Variants in IARS2 observed in about 807,000 individuals in gnomAD.
IARS2 encodes isoleucine--tRNA ligase, mitochondrial.
IARS2 carries 56 observed loss-of-function variants against 126.3 expected under a neutral mutation model. The ratio of observed to expected loss-of-function variants is 0.44; its 90% CI spans 0.36 to 0.55. The LOEUF (loss-of-function observed/expected upper bound fraction) is 0.55, where lower values mean the gene tolerates loss of function less well. IARS2 is among the 20% of genes least tolerant of loss of function. IARS2 has a pLI of 0.00. For missense variants in IARS2, 1,127 were observed against 1,245.9 expected (o/e 0.90, Z 1.44); for synonymous variants, 407 against 441.1 (o/e 0.92, Z 0.97).
At chr1:220,120,769 T>A (rs577584142) in intron 12 of IARS2, among the ~76,000 whole-genome samples, 1 of 152,354 alleles carries the variant, frequency 6.6e-6, no homozygotes, top group Admixed American at 6.5e-5. Flanking sequence ...ATCTAGCTAA[T>A]TAACATGTAT....
rs780499987 is a variant in IARS2 at position 220,143,158 on chromosome 1, G to A, written c.2751+24G>A. ...AGGTATGCAGCAATATGTACCTTTT[G>A]AAATGGTGTTAGTATCATAGAGCTT... is the stretch of plus-strand genomic sequence containing the variant. On this transcript the variant is annotated intron_variant, in intron 21 of 22. Coordinates refer to ENST00000366922, the MANE Select transcript of IARS2 (RefSeq NM_018060.4). 1.1e-5 allele frequency: 17 copies of A among 1,575,392 alleles called. No homozygotes were observed. The East Asian group carries it at 3.8e-4, about 35-fold the overall frequency.
intron 12 of IARS2, among the ~76,000 whole-genome samples, chr1:220,119,460 G>C (rs1043248866): frequency 6.6e-6 from 1 of 151,880 alleles, no homozygotes; most frequent in Non-Finnish European, 1.5e-5. Flanking sequence ...AAGAAATGAA[G>C]GTAGAATTCT....
At chr1:220,103,044 CTT>C (rs1172177451) in intron 7 of IARS2, among the ~76,000 whole-genome samples, 3 of 144,524 alleles carry the variant, frequency 2.1e-5, no homozygotes, top group African/African-American at 5.0e-5. Flanking sequence ...TTTCTTTTTT[CTT>C]TTTTTTTTTG....
chr1:220,107,197 G>A, intron 10 of IARS2, 46 bp downstream of exon 10: 1 of 1,274,654 alleles, frequency 7.8e-7, no homozygotes, highest in Non-Finnish European at 1.1e-6. Flanking sequence ...CTGAAAAGTA[G>A]GTAGCAGTAA....
chr1:220,137,072 T>C (rs1657391698), intron 16 of IARS2, among the ~76,000 whole-genome samples, 161 bp downstream of exon 16: 1 of 152,218 alleles, frequency 6.6e-6, no homozygotes, highest in Admixed American at 6.5e-5. Flanking sequence ...GGGATTGTGG[T>C]CCTTTTAACT....
chr1:220,125,350 G>A lies in IARS2; in HGVS notation c.1743+11G>A. The A allele has an allele frequency of 1.9e-6, 3 of 1,556,768 alleles. No individual in the cohort carries two copies. Among genetic ancestry groups the A allele is most frequent in the Non-Finnish European group, 2.7e-6 (3 of 1,128,338 alleles). ...GAAGTCTTATCTGAGGTAAATTTCT[G>A]TTTGTATTTAACAGCCTTTGTATGT... On this transcript the variant is annotated intron_variant, in intron 13 of 22. Transcript: ENST00000366922.
intron 9 of IARS2, 40 bp downstream of exon 9, chr1:220,106,100 A>G: frequency 6.7e-7 from 1 of 1,486,114 alleles, no homozygotes; most frequent in Non-Finnish European, 9.2e-7. Context: ...ATTCATCTTA[A>G]TAAAAGGAAA....
At chr1:220,123,431 T>A (rs923156791) in intron 12 of IARS2, among the ~76,000 whole-genome samples, 2 of 152,310 alleles carry the variant, frequency 1.3e-5, no homozygotes, top group Non-Finnish European at 2.9e-5. Context: ...GATATCCAGC[T>A]TTTATAAGGT....
Position 220,096,108 on chromosome 1 carries a change from G to A in IARS2, c.272G>A (p.Cys91Tyr), listed in dbSNP as rs1461874342. The A allele has an allele frequency of 5.6e-6, 8 of 1,438,650 alleles. No individual in the cohort carries two copies. The South Asian group carries it at 8.6e-5, about 15-fold the overall frequency. The allele number at this position is 1,438,650 out of a possible 1,614,324, so 89.1% of individuals were successfully genotyped here. A position where few individuals can be genotyped will look rare whatever the true frequency, so the allele number is the denominator to read the frequency against. Reference sequence around the variant, plus strand: ...TCTTTTTTTTTTTTAAAACAGAAATGTGGATTTTCAGAACTTTATTCATGG... The same window carrying A: ...TCTTTTTTTTTTTTAAAACAGAAATATGGATTTTCAGAACTTTATTCATGG... ...PDTELEIQQK[C>Y]GFSELYSWQR... Residue 91 changes from cysteine (C) to tyrosine (Y), a missense_variant, in exon 2 of 23, where the codon TGT becomes TAT. By Grantham distance (194) the Cys-to-Tyr change is radical. Transcript: ENST00000366922.
intron 11 of IARS2, among the ~76,000 whole-genome samples, chr1:220,111,406 A>G (rs955244499): frequency 1.3e-5 from 2 of 152,202 alleles, no homozygotes; most frequent in Non-Finnish European, 2.9e-5. Flanking sequence ...ATTACAATCA[A>G]TTAAAAAAGT....
At chr1:220,099,700 CAA>C (rs1385850966) in intron 2 of IARS2, among the ~76,000 whole-genome samples, 1 of 151,956 alleles carries the variant, frequency 6.6e-6, no homozygotes, top group African/African-American at 2.4e-5. Context: ...AAACAATTTC[CAA>C]AGAGTTAAGT....
chr1:220,134,977 A>G (rs1030581371), intron 15 of IARS2: 1 of 152,476 alleles, frequency 6.6e-6, no homozygotes, highest in African/African-American at 2.4e-5. Flanking sequence ...CCCATTGCCC[A>G]TGCTGGTCCC....
At chr1:220,131,553 G>C (rs1010021039) in intron 14 of IARS2, among the ~76,000 whole-genome samples, 8 of 152,036 alleles carry the variant, frequency 5.3e-5, no homozygotes, top group African/African-American at 1.7e-4. Flanking sequence ...GTTTCTCCAT[G>C]TTGGTCAGGC....
chr1:220,095,714 A>G (rs1454114769), intron 1 of IARS2, among the ~76,000 whole-genome samples: 4 of 152,222 alleles, frequency 2.6e-5, no homozygotes, highest in African/African-American at 9.7e-5. Context: ...GGGAATGGCA[A>G]GCATTGCCGC....
chr1:220,125,178 T>G, intron 12 of IARS2, 59 bp from the exon 13 acceptor site: 1 of 943,728 alleles, frequency 1.1e-6, no homozygotes. Context: ...AATTTTAAAA[T>G]GTTTGTTATT....
At chr1:220,101,610 G>A (rs1008404574) in intron 3 of IARS2, among the ~76,000 whole-genome samples, 6 of 152,208 alleles carry the variant, frequency 3.9e-5, no homozygotes, top group South Asian at 4.1e-4. Flanking sequence ...GCTGAGGCAC[G>A]AGAATTGCTT....
Position 220,107,116 on chromosome 1 carries a change from A to G in IARS2, c.1292A>G (p.Gln431Arg), listed in dbSNP as rs200536496. ...ACAGATGTTGCAGGTCCTGAACTTC[A>G]AAACAAGGCTGTCCTTGAAGAGGGA... Reference protein sequence around the residue: ...VFTDVAGPELQNKAVLEEGTD... With the variant: ...VFTDVAGPELRNKAVLEEGTD... Residue 431 changes from glutamine (Q) to arginine (R), a missense_variant, in exon 10 of 23, where the codon CAA (glutamine) becomes CGA (arginine). Gln to Arg is a conservative substitution (Grantham distance 43, BLOSUM62 1). Coordinates refer to ENST00000366922, the MANE Select transcript of IARS2 (RefSeq NM_018060.4). 3.3e-5 allele frequency: 54 copies of G among 1,613,580 alleles called. No homozygotes were observed. The highest frequency in any genetic ancestry group is 1.7e-5 in the Admixed American group (1 of 60,002).
chr1:220,096,310 AT>A (rs1218240535), intron 2 of IARS2, 84 bp downstream of exon 2: 2 of 882,370 alleles, frequency 2.3e-6, no homozygotes, highest in Non-Finnish European at 3.2e-6. Flanking sequence ...TTATATGATA[AT>A]TATGTAAATT....
intron 22 of IARS2, among the ~76,000 whole-genome samples, chr1:220,147,090 G>A (rs531084973): frequency 2.0e-5 from 3 of 152,234 alleles, no homozygotes; most frequent in East Asian, 3.9e-4. Flanking sequence ...TTTGTCCCAC[G>A]AGATATTTTG....
Sources: gnomAD v4.1 joint callset for allele counts (sites outside exome capture counted in the v4.1 genomes callset) on GRCh38, gnomAD v4.1.1 for gene constraint, MANE v1.5 for transcripts, NCBI Gene and HGNC (gene_info 2026-07-23, HGNC 2026-07-21) for gene names.